Variants in STK4 observed in about 807,000 individuals in gnomAD.
The protein encoded by STK4 is serine/threonine-protein kinase 4.
In STK4, 30 loss-of-function variants were observed where a neutral mutation model predicts 64.9. The ratio of observed to expected loss-of-function variants is 0.46; its 90% confidence interval spans 0.35 to 0.63. The LOEUF (loss-of-function observed/expected upper bound fraction) is 0.63, where lower values mean the gene tolerates loss of function less well. Among genes scored for constraint, STK4 ranks in the 20% least tolerant of loss-of-function variants. STK4 has a pLI of 0.01. For synonymous variants in STK4, 177 were observed against 199.0 expected (o/e 0.89, Z 0.93); for missense variants, 466 against 598.5 (o/e 0.78, Z 2.31).
chr20:45,052,787 C>A (rs1246342172), intron 10 of STK4, among the ~76,000 whole-genome samples: 1 of 152,168 alleles, frequency 6.6e-6, no homozygotes, highest in Non-Finnish European at 1.5e-5. Flanking sequence ...TTCTTTTCTT[C>A]TGTGCTAGAA....
At chr20:44,979,515 A>G (rs1241770040) in intron 3 of STK4, among the ~76,000 whole-genome samples, 1 of 152,160 alleles carries the variant, frequency 6.6e-6, no homozygotes, top group African/African-American at 2.4e-5. Flanking sequence ...CTTCCCCAGC[A>G]CTATTTAGAT....
At chr20:44,985,952 A>G (rs1163609376) in intron 4 of STK4, among the ~76,000 whole-genome samples, 1 of 152,202 alleles carries the variant, frequency 6.6e-6, no homozygotes, top group Non-Finnish European at 1.5e-5. Flanking sequence ...GTTTGTTGAT[A>G]GATTGAGTTT....
chr20:44,986,269 T>C (rs2067528836), intron 4 of STK4, among the ~76,000 whole-genome samples: 1 of 152,132 alleles, frequency 6.6e-6, no homozygotes, highest in Non-Finnish European at 1.5e-5. Flanking sequence ...GAAAGCCCTC[T>C]CCATTTTCTG....
intron 10 of STK4, among the ~76,000 whole-genome samples, chr20:45,049,112 A>G (rs1462758468): frequency 6.6e-6 from 1 of 152,048 alleles, no homozygotes; most frequent in Non-Finnish European, 1.5e-5. Context: ...GCTGTATGGG[A>G]TCCATCAGCT....
chr20:45,034,361 G>A (rs1431994637), intron 10 of STK4, among the ~76,000 whole-genome samples: 1 of 152,034 alleles, frequency 6.6e-6, no homozygotes, highest in African/African-American at 2.4e-5. Flanking sequence ...GTAGGGGAAA[G>A]GCGAGAGACA....
intron 4 of STK4, among the ~76,000 whole-genome samples, chr20:44,984,316 TCC>T (rs1388354250): frequency 6.8e-6 from 1 of 147,982 alleles, no homozygotes; most frequent in African/African-American, 2.5e-5. Context: ...TGCCTTAGCC[TCC>T]CTGGTAGCTG....
intron 1 of STK4, among the ~76,000 whole-genome samples, chr20:44,971,155 C>T (rs1044892252): frequency 1.3e-5 from 2 of 150,894 alleles, no homozygotes; most frequent in African/African-American, 2.4e-5. Flanking sequence ...TCTTTAAGCT[C>T]ATTAGTAATT....
intron 9 of STK4, among the ~76,000 whole-genome samples, chr20:45,006,293 G>C (rs1287469164): frequency 6.8e-6 from 1 of 146,728 alleles, no homozygotes; most frequent in East Asian, 2.0e-4. Flanking sequence ...CCAGAAATGT[G>C]GTCTTGCTAT....
At chr20:44,984,705 T>G (rs2067502188) in intron 4 of STK4, among the ~76,000 whole-genome samples, 1 of 152,236 alleles carries the variant, frequency 6.6e-6, no homozygotes, top group Non-Finnish European at 1.5e-5. Flanking sequence ...TCTTTGATTT[T>G]TTCATATTGA....
chr20:45,071,792 A>G (rs551174091), intron 10 of STK4, among the ~76,000 whole-genome samples: 133 of 152,182 alleles, frequency 8.7e-4, no homozygotes, highest in African/African-American at 2.9e-3. Context: ...TTTTTGAGAC[A>G]AGGTCTTGCT....
intron 9 of STK4, among the ~76,000 whole-genome samples, chr20:45,011,708 CAT>C (rs749788988): frequency 1.8e-4 from 16 of 86,882 alleles, no homozygotes; most frequent in African/African-American, 4.5e-4. Context: ...GTAGAACATA[CAT>C]ATATATATAT....
intron 10 of STK4, among the ~76,000 whole-genome samples, chr20:45,058,843 A>G (rs1978728595): frequency 6.6e-6 from 1 of 152,164 alleles, no homozygotes; most frequent in Non-Finnish European, 1.5e-5. Context: ...GCCTCCCTTT[A>G]GTGCTTTCAA....
At chr20:45,019,674 CA>C (rs1182252738) in intron 9 of STK4, among the ~76,000 whole-genome samples, 3 of 152,196 alleles carry the variant, frequency 2.0e-5, no homozygotes, top group Admixed American at 6.5e-5. Context: ...GTGGTATTTT[CA>C]AGGCTTGATT....
chr20:45,027,745 A>G (rs1290880341), intron 10 of STK4, among the ~76,000 whole-genome samples: 1 of 152,100 alleles, frequency 6.6e-6, no homozygotes, highest in Admixed American at 6.6e-5. Context: ...CCCCTTAACC[A>G]ACTTCTCTTC....
chr20:45,001,123 CT>C (rs772422060), intron 8 of STK4, 43 bp from the exon 9 acceptor site: 8 of 1,569,358 alleles, frequency 5.1e-6, no homozygotes, highest in Middle Eastern at 1.7e-4. Context: ...AACTCAAAGT[CT>C]TTTGTCAAAT....
chr20:45,061,237 A>C lies in STK4; in HGVS notation c.1306-13781A>C, dbSNP rs1224591032. Among the ~76,000 whole-genome samples, 3 of 152,332 alleles carry C rather than the reference A, an allele frequency of 2.0e-5. No homozygotes were observed. In the East Asian group the frequency reaches 5.8e-4, roughly 29 times the overall value. On this transcript the variant is annotated intron_variant, in intron 10 of 10. Coordinates refer to ENST00000372806, the MANE Select transcript of STK4 (RefSeq NM_006282.5). ...ATAAATTCTAAGCATGCAAAATACT[A>C]CTTTAAGAATTTTGTCCTGTAAATT...
At chr20:44,974,816 C>G (rs989623903) in intron 2 of STK4, 38 of 152,266 alleles carry the variant, frequency 2.5e-4, no homozygotes, top group African/African-American at 9.1e-4. Flanking sequence ...TGTGAACTCT[C>G]ACTGACTTGT....
At chr20:45,032,473 T>A (rs1206971557) in intron 10 of STK4, among the ~76,000 whole-genome samples, 1 of 152,168 alleles carries the variant, frequency 6.6e-6, no homozygotes, top group Non-Finnish European at 1.5e-5. Context: ...GTTCTTTGTG[T>A]CCATGTGTAC....
intron 1 of STK4, chr20:44,967,155 C>G: frequency 1.0e-6 from 1 of 985,326 alleles, no homozygotes; most frequent in Non-Finnish European, 1.2e-6. Context: ...GGTAGCATTT[C>G]AGAGGATGCT....
Sources: allele counts gnomAD v4.1 joint callset (sites outside exome capture counted in the v4.1 genomes callset), GRCh38; gene constraint gnomAD v4.1.1; transcripts MANE v1.5; gene names NCBI Gene and HGNC (gene_info 2026-07-23, HGNC 2026-07-21).